The following CCDC170 variants were observed in gnomAD, a reference collection of about 807,000 sequenced individuals.
The protein encoded by CCDC170 is coiled-coil domain containing 170.
A neutral mutation model predicts 72.6 loss-of-function variants in CCDC170; 69 were observed. That is an observed-to-expected ratio of 0.95 (90% confidence interval 0.78 to 1.16). The LOEUF (loss-of-function observed/expected upper bound fraction) is 1.16. Ranked by LOEUF, CCDC170 falls within the 50% of genes most tolerant of loss-of-function variation. The probability of loss-of-function intolerance (pLI) is 0.00; values close to 1 mark genes in which losing one functional copy is unlikely to be tolerated. For missense variants in CCDC170, 852 were observed against 832.5 expected (o/e 1.02, Z -0.29); for synonymous variants, 300 against 303.9 (o/e 0.99, Z 0.13).
rs1164310873 is a variant in CCDC170 at position 151,596,391 on chromosome 6, G to T, written c.1524G>T (p.Arg508=). 1 of 1,613,966 alleles carries T rather than the reference G, an allele frequency of 6.2e-7. No homozygotes were observed. Among genetic ancestry groups the T allele is most frequent in the Non-Finnish European group, 8.5e-7 (1 of 1,179,994 alleles). Reference sequence around the variant, plus strand: ...AAGAATTACACATGAGCCTCCTCCGGCAGAAAATAGCCCAGCTGGAGGAGG... The same window carrying T: ...AAGAATTACACATGAGCCTCCTCCGTCAGAAAATAGCCCAGCTGGAGGAGG... ...ESKELHMSLL[R]QKIAQLEEEK... Residue 508 remains arginine, a synonymous_variant, in exon 9 of 11, where the codon CGG becomes CGT. Transcript: ENST00000239374.
Position 151,573,149 on chromosome 6 carries a change from T to C in CCDC170, c.775-25T>C, listed in dbSNP as rs1054134902. On this transcript the variant is annotated intron_variant, in intron 5 of 10. Coordinates refer to ENST00000239374, the MANE Select transcript of CCDC170 (RefSeq NM_025059.4). ...ACCCTGTTGACTTCTAATGGTATTGTCTTCACTTTCTGTAATCATTTTAGG... is the reference window on the plus strand; with the variant it reads ...ACCCTGTTGACTTCTAATGGTATTGCCTTCACTTTCTGTAATCATTTTAGG... The C allele has an allele frequency of 3.8e-6, 6 of 1,587,730 alleles. No individual in the cohort carries two copies. In the African/African-American group the frequency reaches 4.1e-5, roughly 11 times the overall value.
intron 1 of CCDC170, among the ~76,000 whole-genome samples, chr6:151,495,576 C>G (rs1459525365): frequency 6.6e-6 from 1 of 152,036 alleles, no homozygotes; most frequent in Non-Finnish European, 1.5e-5. Flanking sequence ...GGCTCGCCGC[C>G]GCCTTGACAC....
At chr6:151,558,203 G>A (rs1432910629) in intron 5 of CCDC170, among the ~76,000 whole-genome samples, 2 of 126,878 alleles carry the variant, frequency 1.6e-5, no homozygotes, top group East Asian at 2.3e-4. Context: ...GTCTATTCAT[G>A]TCCTCACCCA....
At chr6:151,604,648 G>A (rs17081488) in intron 9 of CCDC170, among the ~76,000 whole-genome samples, 10,343 of 152,190 alleles carry the variant, frequency 0.068, 525 homozygotes, top group East Asian at 0.29. Context: ...CCCTGATTTC[G>A]ACACGTGCTC....
At chr6:151,593,536 G>GTTGT (rs1208713639) in intron 8 of CCDC170, among the ~76,000 whole-genome samples, 1 of 152,088 alleles carries the variant, frequency 6.6e-6, no homozygotes, top group Non-Finnish European at 1.5e-5. Context: ...TTTTGTTGTT[G>GTTGT]TTGTTTGTTT....
intron 5 of CCDC170, among the ~76,000 whole-genome samples, chr6:151,561,391 A>T (rs956042155): frequency 2.6e-5 from 4 of 151,898 alleles, no homozygotes; most frequent in African/African-American, 9.7e-5. Flanking sequence ...TCCTTTGAGC[A>T]TTTCTTGTAG....
intron 5 of CCDC170, among the ~76,000 whole-genome samples, chr6:151,564,741 G>A (rs1426319846): frequency 1.3e-5 from 2 of 152,164 alleles, no homozygotes; most frequent in Non-Finnish European, 2.9e-5. Context: ...GATGGTGGAT[G>A]TGGCAGAGTA....
intron 3 of CCDC170, among the ~76,000 whole-genome samples, chr6:151,543,760 T>C (rs1782729460): frequency 6.6e-6 from 1 of 152,176 alleles, no homozygotes; most frequent in Non-Finnish European, 1.5e-5. Context: ...CTTAACATAA[T>C]ATCCTCCAGG....
At chr6:151,500,936 G>A (rs760935458) in intron 1 of CCDC170, among the ~76,000 whole-genome samples, 10 of 152,204 alleles carry the variant, frequency 6.6e-5, no homozygotes, top group Middle Eastern at 3.4e-3. Flanking sequence ...ATTTGGTGAC[G>A]TCACTGTGAA....
At chr6:151,494,348 C>T (rs1314718905) in intron 1 of CCDC170, among the ~76,000 whole-genome samples, 163 bp downstream of exon 1, 2 of 152,198 alleles carry the variant, frequency 1.3e-5, no homozygotes, top group Non-Finnish European at 2.9e-5. Context: ...TGCCAGGGCG[C>T]TGATTTCAGG....
In CCDC170 at chr6:151,534,721, C is replaced by T. The variant is rs117760727; in HGVS notation, c.58-1597C>T. On this transcript the variant is annotated intron_variant, in intron 1 of 10. Coordinates refer to ENST00000239374, the MANE Select transcript of CCDC170 (RefSeq NM_025059.4). ...TAAGAGCTCCGAAGGTTTTGTTTGG[C>T]ATTTTGTGGACTGAATCACACTGGT... Among the ~76,000 whole-genome samples, 219 of 152,266 alleles carry T rather than the reference C, an allele frequency of 1.4e-3. 2 individuals are homozygous for T. The East Asian group carries it at 0.017, about 12-fold the overall frequency.
chr6:151,536,596 G>C, intron 2 of CCDC170, 150 bp downstream of exon 2: 1 of 806,696 alleles, frequency 1.2e-6, no homozygotes, highest in Non-Finnish European at 1.9e-6. Context: ...CCAACGTAGT[G>C]AAACTCTGTC....
At chr6:151,511,167 C>T (rs935825815) in intron 1 of CCDC170, among the ~76,000 whole-genome samples, 19 of 152,204 alleles carry the variant, frequency 1.2e-4, no homozygotes, top group African/African-American at 4.3e-4. Context: ...TCTTCTAAAA[C>T]TCACTAACTT....
chr6:151,512,967 G>A (rs1782169788), intron 1 of CCDC170, among the ~76,000 whole-genome samples: 1 of 152,118 alleles, frequency 6.6e-6, no homozygotes, highest in Non-Finnish European at 1.5e-5. Context: ...AGTGTAAGTT[G>A]GTGCTATTTT....
rs185542167 is a variant in CCDC170 at position 151,503,610 on chromosome 6, G to A, written c.57+9425G>A. 1.7e-4 allele frequency among the ~76,000 whole-genome samples: 26 copies of A among 151,934 alleles called. No individual in the cohort carries two copies. In the East Asian group the frequency reaches 1.9e-3, roughly 11 times the overall value. On this transcript the variant is annotated intron_variant, in intron 1 of 10. Transcript: ENST00000239374. ...TGGGGTTACAGGCATGCACCACCAC[G>A]CCCAGCAAATTTTTGTATTTTTAGT...
chr6:151,601,754 G>A (rs879192571), intron 9 of CCDC170, among the ~76,000 whole-genome samples: 1 of 152,140 alleles, frequency 6.6e-6, no homozygotes, highest in Admixed American at 6.6e-5. Flanking sequence ...GTTGAGGGAA[G>A]CTCATTGTCT....
At chr6:151,557,091 A>C (rs1417980211) in intron 5 of CCDC170, among the ~76,000 whole-genome samples, 1 of 152,112 alleles carries the variant, frequency 6.6e-6, no homozygotes, top group East Asian at 1.9e-4. Flanking sequence ...ATAGTATTCC[A>C]TTGTGTATAT....
At chr6:151,531,678 C>G (rs116086313) in intron 1 of CCDC170, among the ~76,000 whole-genome samples, 1 of 152,100 alleles carries the variant, frequency 6.6e-6, no homozygotes, top group Non-Finnish European at 1.5e-5. Context: ...AAAACATACC[C>G]GAGACTGGGT....
intron 7 of CCDC170, among the ~76,000 whole-genome samples, chr6:151,586,853 C>T (rs192133927): frequency 1.9e-4 from 29 of 152,048 alleles, no homozygotes; most frequent in Non-Finnish European, 2.8e-4. Context: ...GGCGTGATCT[C>T]GACTCACTGC....
Sources: gnomAD v4.1 joint callset for allele counts (sites outside exome capture counted in the v4.1 genomes callset) on GRCh38, gnomAD v4.1.1 for gene constraint, MANE v1.5 for transcripts, NCBI Gene and HGNC (gene_info 2026-07-23, HGNC 2026-07-21) for gene names.